UGT2A2: variants seen among roughly 807,000 people sequenced by gnomAD.
UGT2A2 encodes the protein UDP glucuronosyltransferase family 2 member A2.
A neutral mutation model predicts 50.7 loss-of-function variants in UGT2A2; 60 were observed. That is an observed-to-expected ratio of 1.18 (90% CI 0.96 to 1.47). The LOEUF is 1.47. Ranked by LOEUF, UGT2A2 falls within the 40% of genes most tolerant of loss-of-function variation. The pLI is 0.00. For missense variants in UGT2A2, 762 were observed against 634.0 expected, an observed-to-expected ratio of 1.20 and a Z score of -2.17; for synonymous variants, 242 against 214.6, an observed-to-expected ratio of 1.13 and a Z score of -1.11.
intron 1 of UGT2A2, among the ~76,000 whole-genome samples, chr4:69,617,605 A>G (rs4148291): frequency 6.6e-6 from 1 of 151,528 alleles, no homozygotes; most frequent in Non-Finnish European, 1.5e-5. Context: ...AGTGCTATCT[A>G]TAAGTTAAAA....
At chr4:69,608,447 C>A (rs961214660) in intron 1 of UGT2A2, among the ~76,000 whole-genome samples, 1 of 151,280 alleles carries the variant, frequency 6.6e-6, no homozygotes, top group South Asian at 2.1e-4. Flanking sequence ...GGAAGGATAG[C>A]GTTGGGAAAT....
chr4:69,609,553 AAGTC>A (rs372294361), intron 1 of UGT2A2, among the ~76,000 whole-genome samples: 2 of 152,244 alleles, frequency 1.3e-5, no homozygotes, highest in African/African-American at 4.8e-5. Flanking sequence ...CTGTTAATAA[AAGTC>A]AGTAAATGAA....
At chr4:69,636,092 G>A (rs1212536313) in intron 1 of UGT2A2, among the ~76,000 whole-genome samples, 2 of 152,074 alleles carry the variant, frequency 1.3e-5, no homozygotes, top group African/African-American at 2.4e-5. Context: ...TTTAACTGGT[G>A]CAATCAAATA....
chr4:69,628,283 C>CA (rs11441625), intron 1 of UGT2A2, among the ~76,000 whole-genome samples: 53,716 of 151,222 alleles, frequency 0.36, 9,915 homozygotes, highest in African/African-American at 0.45. Context: ...TATGGAGCCA[C>CA]AAAAAAACAA....
intron 2 of UGT2A2, among the ~76,000 whole-genome samples, chr4:69,598,752 A>G (rs1451060332): frequency 2.0e-5 from 3 of 152,124 alleles, no homozygotes; most frequent in African/African-American, 7.2e-5. Context: ...AGATGGCACA[A>G]CTGTCTAATA....
chr4:69,627,377 T>C (rs1232990901), intron 1 of UGT2A2, among the ~76,000 whole-genome samples: 4 of 151,774 alleles, frequency 2.6e-5, no homozygotes, highest in African/African-American at 7.2e-5. Context: ...ACTACATTAC[T>C]ACATAATAGA....
intron 1 of UGT2A2, among the ~76,000 whole-genome samples, chr4:69,612,513 T>C (rs960314357): frequency 2.7e-5 from 4 of 149,540 alleles, no homozygotes; most frequent in African/African-American, 9.9e-5. Flanking sequence ...TTAAAAAGCA[T>C]GGTACCAGTT....
intron 1 of UGT2A2, among the ~76,000 whole-genome samples, chr4:69,632,646 T>G (rs1430024564): frequency 2.0e-5 from 3 of 151,942 alleles, no homozygotes; most frequent in Non-Finnish European, 4.4e-5. Flanking sequence ...TCCCAGCACT[T>G]TGGGAGGCAG....
intron 5 of UGT2A2, among the ~76,000 whole-genome samples, chr4:69,590,408 T>G (rs1421021385): frequency 6.6e-6 from 1 of 152,226 alleles, no homozygotes; most frequent in Non-Finnish European, 1.5e-5. Flanking sequence ...TGTCTTCACT[T>G]GCAGTTTCCC....
At chr4:69,626,402 A>G (rs1222656733) in intron 1 of UGT2A2, among the ~76,000 whole-genome samples, 1 of 151,654 alleles carries the variant, frequency 6.6e-6, no homozygotes, top group African/African-American at 2.4e-5. Flanking sequence ...GTATGTATAC[A>G]TGAAGTAACT....
intron 1 of UGT2A2, among the ~76,000 whole-genome samples, chr4:69,612,419 C>G (rs943678981): frequency 6.6e-6 from 1 of 151,734 alleles, no homozygotes; most frequent in Non-Finnish European, 1.5e-5. Flanking sequence ...TATATGGAAC[C>G]AAAATAAAGT....
At chr4:69,617,053 A>G (rs1720447118) in intron 1 of UGT2A2, among the ~76,000 whole-genome samples, 2 of 151,908 alleles carry the variant, frequency 1.3e-5, no homozygotes, top group South Asian at 4.1e-4. Flanking sequence ...TCCAATTGCC[A>G]GGAAATTCTC....
At chr4:69,638,860 G>A in intron 1 of UGT2A2, 39 bp downstream of exon 1, 1 of 1,492,612 alleles carries the variant, frequency 6.7e-7, no homozygotes, top group African/African-American at 1.4e-5. Context: ...AATAAATAAG[G>A]GATGTGGAGT....
At chr4:69,618,903 G>A (rs1720572105) in intron 1 of UGT2A2, among the ~76,000 whole-genome samples, 2 of 151,726 alleles carry the variant, frequency 1.3e-5, no homozygotes, top group African/African-American at 4.8e-5. Flanking sequence ...AACATTGAAA[G>A]GTTAGAAGAA....
chr4:69,611,446 GA>G (rs200977513), intron 1 of UGT2A2, among the ~76,000 whole-genome samples: 69 of 149,662 alleles, frequency 4.6e-4, no homozygotes, highest in African/African-American at 1.4e-3. Flanking sequence ...GAAATGATAA[GA>G]AAAAAAAACT....
chr4:69,599,244 A>G lies in UGT2A2; in HGVS notation c.891+2T>C. 1 of 1,613,142 alleles carries G rather than the reference A, an allele frequency of 6.2e-7. No homozygotes were observed. Among genetic ancestry groups the G allele is most frequent in the South Asian group, 1.1e-5 (1 of 90,968 alleles). On this transcript the variant is annotated splice_donor_variant, in intron 2 of 5. Coordinates refer to ENST00000604629, the MANE Select transcript of UGT2A2 (RefSeq NM_001105677.2). LOFTEE classifies it high-confidence loss of function. ...TAAAATCCTCCACTGTTGTAGACCT[A>G]CCTTAGGTAAAGGTTTGGCAGGTTT... is the stretch of plus-strand genomic sequence containing the variant.
intron 1 of UGT2A2, among the ~76,000 whole-genome samples, chr4:69,616,068 G>T (rs1341526409): frequency 6.6e-6 from 1 of 151,974 alleles, no homozygotes; most frequent in Non-Finnish European, 1.5e-5. Context: ...CAATAACTTG[G>T]ATGAATCTAG....
chr4:69,619,946 G>A (rs1720646454), intron 1 of UGT2A2, among the ~76,000 whole-genome samples: 1 of 151,268 alleles, frequency 6.6e-6, no homozygotes, highest in African/African-American at 2.4e-5. Context: ...ATACCTTTAT[G>A]CAAAAACTCA....
intron 5 of UGT2A2, among the ~76,000 whole-genome samples, chr4:69,594,092 A>G (rs1367892256): frequency 6.7e-6 from 1 of 149,994 alleles, no homozygotes; most frequent in Non-Finnish European, 1.5e-5. Context: ...CTCCTGCCTC[A>G]GCCTCCTGAG....
Sources: allele counts gnomAD v4.1 joint callset (sites outside exome capture counted in the v4.1 genomes callset), GRCh38; gene constraint gnomAD v4.1.1; transcripts MANE v1.5; gene names NCBI Gene and HGNC (gene_info 2026-07-23, HGNC 2026-07-21).